SLC8A1: variants seen among roughly 807,000 people sequenced by gnomAD.
SLC8A1 encodes the protein sodium/calcium exchanger 1.
A neutral mutation model predicts 68.3 loss-of-function variants in SLC8A1; 18 were observed. That is an observed-to-expected ratio of 0.26 (90% CI 0.18 to 0.39). SLC8A1 has a LOEUF of 0.39. Ranked by LOEUF, SLC8A1 falls within the 10% of genes least tolerant of loss-of-function variation. The pLI, the probability that SLC8A1 is intolerant of heterozygous loss-of-function variation, is 1.00. For missense variants in SLC8A1, 985 were observed against 1,156.7 expected, an observed-to-expected ratio of 0.85 and a Z score of 2.15; for synonymous variants, 475 against 415.5, an observed-to-expected ratio of 1.14 and a Z score of -1.74.
intron 2 of SLC8A1, among the ~76,000 whole-genome samples, chr2:40,243,560 C>T (rs1168980454): frequency 3.3e-5 from 5 of 152,136 alleles, no homozygotes; most frequent in Admixed American, 2.6e-4. Flanking sequence ...AACATCATGG[C>T]TTTGAGCTTG....
intron 1 of SLC8A1, among the ~76,000 whole-genome samples, chr2:40,479,169 C>T (rs568436146): frequency 1.3e-5 from 2 of 152,126 alleles, no homozygotes. Context: ...TGACTGTTGT[C>T]GAATAAACAG....
intron 2 of SLC8A1, among the ~76,000 whole-genome samples, chr2:40,415,782 G>C (rs996317999): frequency 2.6e-5 from 4 of 151,288 alleles, no homozygotes; most frequent in African/African-American, 9.7e-5. Context: ...TTAGAGACCA[G>C]GGGTGGGTCA....
At chr2:40,357,304 C>T (rs1229882303) in intron 2 of SLC8A1, among the ~76,000 whole-genome samples, 2 of 151,928 alleles carry the variant, frequency 1.3e-5, no homozygotes, top group South Asian at 2.1e-4. Context: ...CCAGACTGGG[C>T]AACATAGTGA....
intron 2 of SLC8A1, among the ~76,000 whole-genome samples, chr2:40,350,776 G>A (rs1009026305): frequency 6.6e-6 from 1 of 151,884 alleles, no homozygotes; most frequent in Non-Finnish European, 1.5e-5. Flanking sequence ...TGGAGTATAA[G>A]CTGCCATTTT....
chr2:40,150,417 T>G (rs2043204342), intron 6 of SLC8A1, among the ~76,000 whole-genome samples: 1 of 152,164 alleles, frequency 6.6e-6, no homozygotes, highest in Non-Finnish European at 1.5e-5. Context: ...TGGGTTAGGC[T>G]GCAATGTTTC....
At chr2:40,166,933 A>G (rs900726553) in intron 4 of SLC8A1, among the ~76,000 whole-genome samples, 12 of 152,214 alleles carry the variant, frequency 7.9e-5, no homozygotes, top group African/African-American at 2.9e-4. Flanking sequence ...TTGGGGGAGA[A>G]TATTTATTAT....
At chr2:40,200,254 ATATAT>A (rs2054097542) in intron 2 of SLC8A1, among the ~76,000 whole-genome samples, 10 of 55,416 alleles carry the variant, frequency 1.8e-4, no homozygotes, top group Admixed American at 8.8e-4. Context: ...ATATATATAT[ATATAT>A]ATATATATAA....
chr2:40,418,652 T>A (rs1238502932), intron 2 of SLC8A1, among the ~76,000 whole-genome samples: 1 of 152,198 alleles, frequency 6.6e-6, no homozygotes, highest in Non-Finnish European at 1.5e-5. Context: ...ATGCTTCCCC[T>A]AGTAATGCAC....
intron 2 of SLC8A1, among the ~76,000 whole-genome samples, chr2:40,184,036 G>C (rs1396642160): frequency 6.6e-6 from 1 of 151,912 alleles, no homozygotes; most frequent in Non-Finnish European, 1.5e-5. Context: ...AACCAGATGG[G>C]TGTGGTAGTG....
intron 2 of SLC8A1, among the ~76,000 whole-genome samples, chr2:40,181,018 G>A (rs572794514): frequency 7.9e-5 from 12 of 152,100 alleles, no homozygotes; most frequent in South Asian, 4.1e-4. Flanking sequence ...GGAGTGCAGT[G>A]GTGTGATCTC....
upstream of SLC8A1, among the ~76,000 whole-genome samples, chr2:40,455,308 T>C (rs928916662): frequency 2.6e-5 from 4 of 152,220 alleles, no homozygotes; most frequent in Non-Finnish European, 5.9e-5. Flanking sequence ...ACTAAAGCAC[T>C]CAATATGTTT....
intron 2 of SLC8A1, among the ~76,000 whole-genome samples, chr2:40,309,460 G>C (rs556648529): frequency 1.7e-4 from 25 of 151,238 alleles, no homozygotes; most frequent in African/African-American, 5.3e-4. Context: ...AAATGTCTAA[G>C]CAGGTCATAT....
chr2:40,359,804 G>C (rs1035039779), intron 2 of SLC8A1, among the ~76,000 whole-genome samples: 1 of 152,044 alleles, frequency 6.6e-6, no homozygotes, highest in Non-Finnish European at 1.5e-5. Context: ...AAAGTAAGAA[G>C]CAAGTGTGTG....
intron 2 of SLC8A1, among the ~76,000 whole-genome samples, chr2:40,274,626 A>T (rs1034960078): frequency 6.6e-6 from 1 of 152,228 alleles, no homozygotes; most frequent in Non-Finnish European, 1.5e-5. Flanking sequence ...TTTTTACTGT[A>T]GGGAACCCAG....
chr2:40,164,961 G>A, exon 5 of SLC8A1: 3 of 1,613,910 alleles, frequency 1.9e-6, no homozygotes, highest in Non-Finnish European at 2.5e-6. Context: ...TTGCTGGTCA[G>A]TGGCTGCTTG....
At chr2:40,245,723 G>A (rs941611737) in intron 2 of SLC8A1, among the ~76,000 whole-genome samples, 1 of 151,490 alleles carries the variant, frequency 6.6e-6, no homozygotes. Context: ...ACTATCTGCT[G>A]CTCTCCTGTG....
chr2:40,503,313 G>T (rs950375921), intron 1 of SLC8A1, among the ~76,000 whole-genome samples: 2 of 151,954 alleles, frequency 1.3e-5, no homozygotes, highest in African/African-American at 2.4e-5. Flanking sequence ...TTCTCACCGA[G>T]CTGCTTTGCA....
intron 2 of SLC8A1, among the ~76,000 whole-genome samples, chr2:40,216,010 T>C (rs1210462787): frequency 7.1e-5 from 6 of 84,866 alleles, no homozygotes; most frequent in Admixed American, 5.1e-4. Context: ...TCCCAGTGTA[T>C]GCTTTTTTTT....
intron 2 of SLC8A1, among the ~76,000 whole-genome samples, chr2:40,209,436 G>C (rs2056156082): frequency 6.6e-6 from 1 of 152,130 alleles, no homozygotes; most frequent in African/African-American, 2.4e-5. Context: ...AGTAGAGTGA[G>C]GGGAAGTGGT....
Sources: allele counts gnomAD v4.1 joint callset (sites outside exome capture counted in the v4.1 genomes callset), GRCh38; gene constraint gnomAD v4.1.1; transcripts MANE v1.5; gene names NCBI Gene and HGNC (gene_info 2026-07-23, HGNC 2026-07-21).